GRHPR: variants seen among roughly 807,000 people sequenced by gnomAD.
GRHPR encodes the protein glyoxylate and hydroxypyruvate reductase.
Under a neutral mutation model 36.8 loss-of-function variants are expected in GRHPR, and 35 were observed. The observed-to-expected ratio is 0.95, with a 90% CI of 0.73 to 1.26. GRHPR has a LOEUF of 1.26. GRHPR is among the 50% of genes most tolerant of loss of function. The probability of loss-of-function intolerance (pLI) is 0.00; values close to 1 mark genes in which losing one functional copy is unlikely to be tolerated. For synonymous variants in GRHPR, 179 were observed against 181.0 expected, an observed-to-expected ratio of 0.99 and a Z score of 0.09; for missense variants, 380 against 435.0, an observed-to-expected ratio of 0.87 and a Z score of 1.12.
At chr9:37,428,379 A>C in intron 4 of GRHPR, 105 bp from the exon 5 acceptor site, 2 of 731,586 alleles carry the variant, frequency 2.7e-6, no homozygotes, top group Non-Finnish European at 4.9e-6. Flanking sequence ...CGTGACCTGG[A>C]GGGTGGGTTT....
chr9:37,424,995 G>C lies in GRHPR; in HGVS notation c.214+20G>C, dbSNP rs1470474612. 1.9e-6 allele frequency: 3 copies of C among 1,609,598 alleles called. No individual in the cohort carries two copies. Among genetic ancestry groups the C allele is most frequent in the Non-Finnish European group, 2.5e-6 (3 of 1,178,920 alleles). ...CTGCAGGTGCACACTGGGTGGGCAG[G>C]GGACTTGAGGGTGGCTTGGCCCTGT... is the stretch of plus-strand genomic sequence containing the variant. On this transcript the variant is annotated intron_variant, in intron 2 of 8. Coordinates refer to ENST00000318158, the MANE Select transcript of GRHPR (RefSeq NM_012203.2).
chr9:37,437,858 G>A (rs1421979239), downstream of GRHPR, among the ~76,000 whole-genome samples: 1 of 152,174 alleles, frequency 6.6e-6, no homozygotes, highest in Non-Finnish European at 1.5e-5. Context: ...CCAGGGAGCA[G>A]CACAAGATTA....
At chr9:37,430,389 C>T (rs532871442) in intron 6 of GRHPR, 122 bp from the exon 7 acceptor site, 87 of 831,222 alleles carry the variant, frequency 1.0e-4, no homozygotes, top group Admixed American at 5.8e-4. Context: ...GGTAGAGACT[C>T]GGCCTTCAGG....
chr9:37,426,362 G>A (rs1223463736), intron 3 of GRHPR, 176 bp from the exon 4 acceptor site: 1 of 689,136 alleles, frequency 1.5e-6, no homozygotes, highest in Non-Finnish European at 2.7e-6. Flanking sequence ...CTTCCAAAGT[G>A]GGAGATAATC....
chr9:37,423,297 A>T (rs1822929705), intron 1 of GRHPR, among the ~76,000 whole-genome samples: 1 of 149,676 alleles, frequency 6.7e-6, no homozygotes. Flanking sequence ...CCTCCCGAGT[A>T]GCTGGGACTA....
In GRHPR at chr9:37,428,585, C is replaced by A. The variant is rs765596317; in HGVS notation, c.493+13C>A. The A allele has an allele frequency of 6.4e-7, 1 of 1,569,624 alleles. No individual in the cohort carries two copies. Among genetic ancestry groups the A allele is most frequent in the East Asian group, 2.2e-5 (1 of 44,742 alleles). On this transcript the variant is annotated intron_variant, in intron 5 of 8. Coordinates refer to ENST00000318158, the MANE Select transcript of GRHPR (RefSeq NM_012203.2). ...CTGGGGCGCATAGGTGAGGCTCCCACCGGCCCGCTTGCCCGCCCCGGCTCT... is the reference window on the plus strand; with the variant it reads ...CTGGGGCGCATAGGTGAGGCTCCCAACGGCCCGCTTGCCCGCCCCGGCTCT...
chr9:37,422,940 T>G, intron 1 of GRHPR, 107 bp downstream of exon 1: 1 of 796,492 alleles, frequency 1.3e-6, no homozygotes, highest in Admixed American at 2.4e-5. Flanking sequence ...CTTGGAGTTT[T>G]GGGGAGTCTC....
chr9:37,436,667 T>G lies in GRHPR; in HGVS notation c.872T>G (p.Leu291Arg). The change falls in exon 9 of 9, where the codon CTG becomes CGG. Residue 291 changes from leucine (L) to arginine (R), a missense_variant. Coordinates refer to ENST00000318158, the MANE Select transcript of GRHPR (RefSeq NM_012203.2). ...PLLTLKNCVI[L>R]PHIGSATHRT... ...CTCTCTCTCTCCTTTCCAGTGATTCTGCCCCACATTGGCAGTGCCACCCAC... is the reference window on the plus strand; with the variant it reads ...CTCTCTCTCTCCTTTCCAGTGATTCGGCCCCACATTGGCAGTGCCACCCAC... 6.2e-7 allele frequency: 1 copy of G among 1,614,158 alleles called. No individual in the cohort carries two copies. Among genetic ancestry groups the G allele is most frequent in the South Asian group, 1.1e-5 (1 of 91,074 alleles).
Position 37,436,773 on chromosome 9 carries a change from C to T in GRHPR, c.978C>T (p.Leu326=), listed in dbSNP as rs749583128. The stretch of plus-strand genomic sequence containing the variant: ...GAGGGGAGCCGATGCCTAGTGAACT[C>T]AAGCTGTAGCCAAACAGTAGAGATG... ...GLRGEPMPSE[L]KL is the part of the protein sequence containing the mutation. The change falls in exon 9 of 9, where the codon CTC becomes CTT. Residue 326 remains leucine (L), a synonymous_variant. Coordinates refer to ENST00000318158, the MANE Select transcript of GRHPR (RefSeq NM_012203.2). 3.9e-5 allele frequency: 63 copies of T among 1,614,044 alleles called. No homozygotes were observed. In the South Asian group the frequency reaches 6.6e-4, roughly 17 times the overall value.
intron 7 of GRHPR, 160 bp downstream of exon 7, chr9:37,430,806 G>A (rs746695227): frequency 1.6e-5 from 12 of 733,200 alleles, no homozygotes; most frequent in African/African-American, 8.7e-5. Context: ...GGGAATACAC[G>A]AGACCTCCGT....
intron 4 of GRHPR, among the ~76,000 whole-genome samples, chr9:37,427,367 T>C (rs1454102716): frequency 2.0e-5 from 3 of 152,240 alleles, no homozygotes; most frequent in African/African-American, 7.2e-5. Context: ...TCCCATTTAA[T>C]GTGACTTTCC....
chr9:37,428,509 C>G lies in GRHPR; in HGVS notation c.430C>G (p.Leu144Val), dbSNP rs780635481. 3.1e-6 allele frequency: 5 copies of G among 1,612,584 alleles called. No individual in the cohort carries two copies. The South Asian group carries it at 3.3e-5, about 11-fold the overall frequency. Reference sequence around the variant, plus strand: ...TGGTGGCTGGACCTCGTGGAAGCCCCTCTGGCTGTGTGGCTATGGACTCAC... The same window carrying G: ...TGGTGGCTGGACCTCGTGGAAGCCCGTCTGGCTGTGTGGCTATGGACTCAC... ...KNGGWTSWKPLWLCGYGLTQS... is the reference protein window; with the variant it reads ...KNGGWTSWKPVWLCGYGLTQS... Residue 144 changes from leucine to valine, a missense_variant, in exon 5 of 9, where the codon CTC (leucine) becomes GTC (valine). Physicochemically the swap from Leu to Val is conservative, Grantham distance 32 (BLOSUM62 1). Transcript: ENST00000318158.
rs1024956886 is a variant in GRHPR, at chr9:37,429,890, G to A, written c.598+54G>A. On this transcript the variant is annotated intron_variant, in intron 6 of 8. Coordinates refer to ENST00000318158, the MANE Select transcript of GRHPR (RefSeq NM_012203.2). ...CCTATCTGTGCCCAGTTGAGAGGCTGTATTTTCTCTCAATGGTGGCATTTT... is the reference window on the plus strand; with the variant it reads ...CCTATCTGTGCCCAGTTGAGAGGCTATATTTTCTCTCAATGGTGGCATTTT... 4 of 1,058,074 alleles carry A rather than the reference G, an allele frequency of 3.8e-6. No homozygotes were observed. In the African/African-American group the frequency reaches 6.2e-5, roughly 16 times the overall value. 65.5% of individuals were successfully genotyped at this position (1,058,074 alleles called of 1,614,324 possible).
chr9:37,436,797 T>G lies in GRHPR; in HGVS notation c.*15T>G, dbSNP rs570858068. On this transcript the variant is annotated 3_prime_UTR_variant, in exon 9 of 9. Coordinates refer to ENST00000318158, the MANE Select transcript of GRHPR (RefSeq NM_012203.2). ...TCAAGCTGTAGCCAAACAGTAGAGA[T>G]GGAGGGCCGGGAAGCAAACCGTGCC... is the stretch of plus-strand genomic sequence containing the variant. 6.2e-7 allele frequency: 1 copy of G among 1,613,872 alleles called. No individual in the cohort carries two copies. Among genetic ancestry groups the G allele is most frequent in the South Asian group, 1.1e-5 (1 of 91,064 alleles).
At chr9:37,427,363 T>G (rs1295991344) in intron 4 of GRHPR, among the ~76,000 whole-genome samples, 2 of 152,212 alleles carry the variant, frequency 1.3e-5, no homozygotes, top group Non-Finnish European at 2.9e-5. Context: ...TTTCTCCCAT[T>G]TAATGTGACT....
At chr9:37,435,049 C>T (rs376315729) in intron 8 of GRHPR, among the ~76,000 whole-genome samples, 1 of 152,138 alleles carries the variant, frequency 6.6e-6, no homozygotes, top group Non-Finnish European at 1.5e-5. Context: ...ACCAAGAGTT[C>T]GAATCTAGCC....
chr9:37,431,791 G>A (rs1823379482), intron 7 of GRHPR: 1 of 524,964 alleles, frequency 1.9e-6, no homozygotes, highest in African/African-American at 1.9e-5. Flanking sequence ...CAGAGAATTT[G>A]AGACACTTGC....
chr9:37,432,680 AAACAAC>A (rs766978398), intron 8 of GRHPR: 1 of 185,970 alleles, frequency 5.4e-6, no homozygotes, highest in Non-Finnish European at 1.1e-5. Context: ...TCCATCTCCA[AAACAAC>A]AACAACAACA....
At chr9:37,433,583 C>G (rs551946256) in intron 8 of GRHPR, among the ~76,000 whole-genome samples, 1 of 152,258 alleles carries the variant, frequency 6.6e-6, no homozygotes, top group African/African-American at 2.4e-5. Context: ...TGATCAAACA[C>G]AGGTTGCTAG....
Sources: gnomAD v4.1 joint callset for allele counts (sites outside exome capture counted in the v4.1 genomes callset) on GRCh38, gnomAD v4.1.1 for gene constraint, MANE v1.5 for transcripts, NCBI Gene and HGNC (gene_info 2026-07-23, HGNC 2026-07-21) for gene names.